CIT: variants seen among roughly 807,000 people sequenced by gnomAD.
CIT encodes citron Rho-interacting kinase.
CIT carries 79 observed loss-of-function variants against 272.7 expected under a neutral mutation model. That is an observed-to-expected ratio of 0.29 (90% confidence interval 0.24 to 0.35). The LOEUF is 0.35. Ranked by LOEUF, CIT falls within the 10% of genes least tolerant of loss-of-function variation. CIT has a pLI of 1.00. For synonymous variants in CIT, 948 were observed against 995.6 expected (o/e 0.95, Z 0.90); for missense variants, 1,909 against 2,618.3 (o/e 0.73, Z 5.91).
intron 5 of CIT, among the ~76,000 whole-genome samples, chr12:119,836,081 G>T (rs1335599783): frequency 6.6e-6 from 1 of 151,918 alleles, no homozygotes; most frequent in Non-Finnish European, 1.5e-5. Flanking sequence ...AAGGTCAAGA[G>T]ATCGAGACCA....
chr12:119,825,588 A>G (rs1968098358), intron 7 of CIT, among the ~76,000 whole-genome samples: 1 of 152,028 alleles, frequency 6.6e-6, no homozygotes, highest in South Asian at 2.1e-4. Context: ...CAAGGGCAAA[A>G]GGGCAAGAAT....
At chr12:119,822,324 T>C (rs1967789675) in intron 9 of CIT, among the ~76,000 whole-genome samples, 1 of 152,274 alleles carries the variant, frequency 6.6e-6, no homozygotes, top group Admixed American at 6.5e-5. Context: ...ACTGTGCATA[T>C]ACATTATAGG....
At position 119,712,886 on chromosome 12, in the gene CIT, T is replaced by C; in HGVS notation, c.4580-191A>G. ...AGGGAAGATAAAAAAAAATAAAGTGTGTCAGATGAGTAGCACAGTCAAATT... is the reference window on the plus strand; with the variant it reads ...AGGGAAGATAAAAAAAAATAAAGTGCGTCAGATGAGTAGCACAGTCAAATT... On this transcript the variant is annotated intron_variant, in intron 35 of 47. Transcript: ENST00000392521. The surrounding 1 kb of genome is among the most constrained non-coding windows in gnomAD (Gnocchi z 5.2). 1.7e-6 allele frequency: 1 copy of C among 588,102 alleles called. No homozygotes were observed. Among genetic ancestry groups the C allele is most frequent in the Non-Finnish European group, 3.0e-6 (1 of 332,148 alleles). The allele number at this position is 588,102 out of a possible 1,614,324, so 36.4% of individuals were successfully genotyped here.
rs1434132965 is a variant in CIT at position 119,686,031 on chromosome 12, T to G, written c.*2201A>C. ...GGTGGTCACACGGAGCTCCCCACCC[T>G]CCAGTGAAGATGGCTGTCCACAACT... On this transcript the variant is annotated 3_prime_UTR_variant, in exon 48 of 48. Transcript: ENST00000392521. 4 of 152,434 alleles carry G rather than the reference T, an allele frequency of 2.6e-5. No individual in the cohort carries two copies. The highest frequency in any genetic ancestry group is 5.9e-5 in the Non-Finnish European group (4 of 68,010). The allele number at this position is 152,434 out of a possible 1,614,324, so 9.4% of individuals were successfully genotyped here. A position where few individuals can be genotyped will look rare whatever the true frequency, so the allele number is the denominator to read the frequency against.
chr12:119,746,046 T>A (rs1435011396), intron 23 of CIT, among the ~76,000 whole-genome samples: 1 of 152,192 alleles, frequency 6.6e-6, no homozygotes, highest in Non-Finnish European at 1.5e-5. Context: ...AGACTGTGGC[T>A]ATCTGCACTA....
chr12:119,718,634 C>A lies in CIT; in HGVS notation c.4003+65G>T. The A allele has an allele frequency of 6.3e-7, 1 of 1,596,632 alleles. No individual in the cohort carries two copies. The stretch of plus-strand genomic sequence containing the variant: ...ACTGAGCTAGTTAGTCTTGGCTGAT[C>A]TCACTGAGATCAATCCTCTGCCTTT... On this transcript the variant is annotated intron_variant, in intron 31 of 47. Transcript: ENST00000392521. This position sits in a 1 kb window ranked among gnomAD's most constrained non-coding sequence, Gnocchi z 4.8.
In CIT at chr12:119,760,976, GCCT is replaced by G; in HGVS notation, c.2381_2383del (p.Glu794del). The G allele has an allele frequency of 1.2e-6, 2 of 1,614,052 alleles. No homozygotes were observed. The highest frequency in any genetic ancestry group is 1.7e-6 in the Non-Finnish European group (2 of 1,179,962). On this transcript the variant is annotated inframe_deletion, in exon 20 of 48. Coordinates refer to ENST00000392521, the MANE Select transcript of CIT (RefSeq NM_001206999.2). The stretch of plus-strand genomic sequence containing the variant: ...GCTGAGAATTTTGCCCTTCTCATGG[GCCT>G]CCTCCTCGTGTCTCTGCATCATGTT...
At chr12:119,767,822 C>G (rs181011981) in intron 18 of CIT, among the ~76,000 whole-genome samples, 139 of 150,780 alleles carry the variant, frequency 9.2e-4, no homozygotes, top group African/African-American at 3.0e-3. Context: ...TAAAAATGTA[C>G]AGACATATTA....
At chr12:119,715,140 TGTCACCGCCACATGA>T (rs910528470) in intron 32 of CIT, among the ~76,000 whole-genome samples, 1 of 152,236 alleles carries the variant, frequency 6.6e-6, no homozygotes, top group African/African-American at 2.4e-5. Flanking sequence ...TATTCTCTTT[TGTCACCGCCACATGA>T]GACATGCCTT....
chr12:119,718,360 G>A lies in CIT; in HGVS notation c.4053C>T (p.Thr1351=), dbSNP rs61735286. 3.4e-4 allele frequency: 546 copies of A among 1,613,980 alleles called. 3 individuals carry two copies. The African/African-American group carries it at 5.9e-3, about 18-fold the overall frequency. ...CGGACATGGCGATCTGCTGCCTCGC[G>A]GTGGCTGGCGTGGATGGGTGTGGGT... ...TDHPHPSTPA[T]ARQQIAMSAI... Residue 1351 remains threonine, a synonymous_variant, in exon 32 of 48, where the codon ACC becomes ACT. Coordinates refer to ENST00000392521, the MANE Select transcript of CIT (RefSeq NM_001206999.2). The surrounding 1 kb of genome is among the most constrained non-coding windows in gnomAD (Gnocchi z 4.8).
intron 9 of CIT, among the ~76,000 whole-genome samples, chr12:119,809,916 C>G (rs1966799326): frequency 1.3e-5 from 2 of 152,250 alleles, no homozygotes; most frequent in Non-Finnish European, 2.9e-5. Context: ...TTCCGGATAG[C>G]TGAACACGTG....
At chr12:119,868,311 CTATAAT>C (rs1279041725) in intron 3 of CIT, among the ~76,000 whole-genome samples, 1 of 152,068 alleles carries the variant, frequency 6.6e-6, no homozygotes, top group Admixed American at 6.5e-5. Flanking sequence ...TTCATTTTTC[CTATAAT>C]TTTAAAACAA....
intron 13 of CIT, among the ~76,000 whole-genome samples, chr12:119,779,587 T>C (rs1217771892): frequency 2.6e-5 from 4 of 152,180 alleles, no homozygotes; most frequent in African/African-American, 4.8e-5. Flanking sequence ...GGACACCAAA[T>C]CTTGAGCATC....
In CIT at chr12:119,687,903, GCA is replaced by G; in HGVS notation, c.*327_*328del. 1 of 315,880 alleles carries G rather than the reference GCA, an allele frequency of 3.2e-6. No individual in the cohort carries two copies. Among genetic ancestry groups the G allele is most frequent in the Non-Finnish European group, 5.7e-6 (1 of 174,214 alleles). The allele number at this position is 315,880 out of a possible 1,614,324, so 19.6% of individuals were successfully genotyped here. A position where few individuals can be genotyped will look rare whatever the true frequency, so the allele number is the denominator to read the frequency against. On this transcript the variant is annotated 3_prime_UTR_variant, in exon 48 of 48. Transcript: ENST00000392521. ...TAGGATTCTAACCATGTTGTAGTTA[GCA>G]TCCCGGTTGGTTTCCTTTGATGAAC...
chr12:119,735,886 A>G (rs1222465843), intron 24 of CIT, among the ~76,000 whole-genome samples: 1 of 152,232 alleles, frequency 6.6e-6, no homozygotes, highest in Non-Finnish European at 1.5e-5. Context: ...ATTTCATACA[A>G]CAAAGGAAAA....
At chr12:119,801,104 TAC>T (rs1177320561) in intron 10 of CIT, among the ~76,000 whole-genome samples, 3 of 152,198 alleles carry the variant, frequency 2.0e-5, no homozygotes, top group African/African-American at 7.2e-5. Flanking sequence ...AAATAAGAAA[TAC>T]ACAGTTTTAT....
At chr12:119,821,649 A>AT (rs1350235016) in intron 9 of CIT, among the ~76,000 whole-genome samples, 1 of 152,246 alleles carries the variant, frequency 6.6e-6, no homozygotes, top group African/African-American at 2.4e-5. Flanking sequence ...GATTACAGAG[A>AT]TAAAAAGGCA....
intron 19 of CIT, among the ~76,000 whole-genome samples, chr12:119,764,650 T>C (rs955201336): frequency 6.8e-6 from 1 of 147,270 alleles, no homozygotes; most frequent in Non-Finnish European, 1.5e-5. Context: ...AAAACCTCAA[T>C]GGAACAGCAG....
intron 3 of CIT, 43 bp from the exon 4 acceptor site, chr12:119,857,741 C>T: frequency 6.7e-7 from 1 of 1,483,736 alleles, no homozygotes; most frequent in South Asian, 1.3e-5. Context: ...ATAAAGCATG[C>T]AAATATATGC....
Sources: allele counts gnomAD v4.1 joint callset (sites outside exome capture counted in the v4.1 genomes callset), GRCh38; gene constraint gnomAD v4.1.1; non-coding constraint Gnocchi (gnomAD v3.1); transcripts MANE v1.5; gene names NCBI Gene and HGNC (gene_info 2026-07-23, HGNC 2026-07-21).